The following MCPH1 variants were observed in gnomAD, a reference collection of about 807,000 sequenced individuals.
The protein encoded by MCPH1 is microcephalin.
In MCPH1, 104 loss-of-function variants were observed where a neutral mutation model predicts 84.5. The ratio of observed to expected loss-of-function variants is 1.23; its 90% CI spans 1.05 to 1.45. The LOEUF (loss-of-function observed/expected upper bound fraction) is 1.45. MCPH1 is among the 40% of genes most tolerant of loss of function. The probability of loss-of-function intolerance (pLI) is 0.00; values close to 1 mark genes in which losing one functional copy is unlikely to be tolerated. For missense variants in MCPH1, 1,498 were observed against 1,005.7 expected (o/e 1.49, Z -6.62); for synonymous variants, 514 against 366.8 (o/e 1.40, Z -4.58).
At chr8:6,613,724 G>T (rs1387327253) in intron 12 of MCPH1, among the ~76,000 whole-genome samples, 1 of 152,122 alleles carries the variant, frequency 6.6e-6, no homozygotes, top group Admixed American at 6.5e-5. Context: ...CATCAGGGCC[G>T]AGAGGAATGA....
chr8:6,441,635 C>T (rs1803524404), intron 6 of MCPH1, among the ~76,000 whole-genome samples: 1 of 152,188 alleles, frequency 6.6e-6, no homozygotes, highest in African/African-American at 2.4e-5. Flanking sequence ...TTGTTGGGGG[C>T]ACTGCCCTGT....
chr8:6,506,471 C>A (rs140954372), intron 12 of MCPH1, among the ~76,000 whole-genome samples: 9 of 152,274 alleles, frequency 5.9e-5, no homozygotes, highest in African/African-American at 2.2e-4. Flanking sequence ...TGCAATTCTC[C>A]TACTCTCCTG....
At chr8:6,598,683 C>T (rs919943781) in intron 12 of MCPH1, among the ~76,000 whole-genome samples, 3 of 152,250 alleles carry the variant, frequency 2.0e-5, no homozygotes, top group African/African-American at 7.2e-5. Context: ...CGGGCGGCTT[C>T]ACGACAGGCG....
intron 1 of MCPH1, among the ~76,000 whole-genome samples, chr8:6,408,703 C>T (rs1348415942): frequency 6.6e-6 from 1 of 151,802 alleles, no homozygotes; most frequent in Non-Finnish European, 1.5e-5. Context: ...GGACTACAGC[C>T]ACTCGCCACC....
At chr8:6,623,763 C>G (rs2912055) in intron 13 of MCPH1, among the ~76,000 whole-genome samples, 1 of 143,334 alleles carries the variant, frequency 7.0e-6, no homozygotes, top group Non-Finnish European at 1.5e-5. Flanking sequence ...GCTGTTTACT[C>G]TTTTCTAAAT....
chr8:6,532,013 C>T (rs1297830352), intron 12 of MCPH1, among the ~76,000 whole-genome samples: 1 of 152,148 alleles, frequency 6.6e-6, no homozygotes, highest in East Asian at 1.9e-4. Context: ...GAAAATGATT[C>T]CCGGAGTCCA....
At chr8:6,623,045 G>A (rs1481882728) in intron 13 of MCPH1, among the ~76,000 whole-genome samples, 1 of 146,506 alleles carries the variant, frequency 6.8e-6, no homozygotes, top group Non-Finnish European at 1.5e-5. Context: ...TAGAGATGGG[G>A]TCTCCCTATG....
intron 3 of MCPH1, among the ~76,000 whole-genome samples, chr8:6,423,708 C>G (rs916368638): frequency 6.6e-6 from 1 of 151,828 alleles, no homozygotes; most frequent in Non-Finnish European, 1.5e-5. Context: ...GTTTAAATCC[C>G]CAAAGTGGGC....
intron 12 of MCPH1, among the ~76,000 whole-genome samples, chr8:6,525,583 A>T (rs1314925386): frequency 6.6e-6 from 1 of 152,202 alleles, no homozygotes; most frequent in Non-Finnish European, 1.5e-5. Flanking sequence ...ATAAAAGATT[A>T]TTTAAAATGT....
At position 6,627,167 on chromosome 8, in the gene MCPH1, G is replaced by C. The variant is rs1045503405; in HGVS notation, c.2452+5476G>C. 5.1e-6 allele frequency: 5 copies of C among 985,312 alleles called. No homozygotes were observed. In the Admixed American group the frequency reaches 1.8e-4, roughly 36 times the overall value. 61.0% of individuals were successfully genotyped at this position (985,312 alleles called of 1,614,324 possible). A position where few individuals can be genotyped will look rare whatever the true frequency, so the allele number is the denominator to read the frequency against. ...CTGACTGACCAGAAAAATGCACGAC[G>C]CTCCCATGGGGCCACTCGGGAGGCC... is the stretch of plus-strand genomic sequence containing the variant. On this transcript the variant is annotated intron_variant, in intron 13 of 13. Transcript: ENST00000344683.
chr8:6,462,844 A>G (rs1806437229), intron 9 of MCPH1, among the ~76,000 whole-genome samples: 1 of 152,222 alleles, frequency 6.6e-6, no homozygotes, highest in Non-Finnish European at 1.5e-5. Flanking sequence ...AAAAAATGTT[A>G]GCTATTTTCT....
At chr8:6,568,576 T>C (rs1466352450) in intron 12 of MCPH1, among the ~76,000 whole-genome samples, 1 of 152,206 alleles carries the variant, frequency 6.6e-6, no homozygotes. Context: ...GTTTTGCTTT[T>C]CCAACCTGTA....
intron 12 of MCPH1, among the ~76,000 whole-genome samples, chr8:6,584,950 C>G (rs1448868050): frequency 6.6e-6 from 1 of 152,200 alleles, no homozygotes; most frequent in Non-Finnish European, 1.5e-5. Context: ...TAGGCATCCT[C>G]CTGTTGAGTC....
intron 12 of MCPH1, among the ~76,000 whole-genome samples, chr8:6,598,093 G>A (rs904384104): frequency 6.6e-6 from 1 of 152,196 alleles, no homozygotes; most frequent in Non-Finnish European, 1.5e-5. Context: ...CCGCTCAACA[G>A]GGTGAGGATG....
At position 6,615,984 on chromosome 8, in the gene MCPH1, G is replaced by A. The variant is rs938208386; in HGVS notation, c.2215-5470G>A. On this transcript the variant is annotated intron_variant, in intron 12 of 13. Transcript: ENST00000344683. Reference sequence around the variant, plus strand: ...GAGGAGGGTGTGAGTAGATTGTGCTGATGATCGCATAACTCTGACTATACT... The same window carrying A: ...GAGGAGGGTGTGAGTAGATTGTGCTAATGATCGCATAACTCTGACTATACT... 3.9e-5 allele frequency: 6 copies of A among 152,300 alleles called. No individual in the cohort carries two copies. In the South Asian group the frequency reaches 1.2e-3, roughly 32 times the overall value. The allele number at this position is 152,300 out of a possible 1,614,324, so 9.4% of individuals were successfully genotyped here. A position where few individuals can be genotyped will look rare whatever the true frequency, so the allele number is the denominator to read the frequency against.
intron 9 of MCPH1, among the ~76,000 whole-genome samples, chr8:6,462,793 T>A (rs1315961817): frequency 1.3e-5 from 2 of 152,234 alleles, no homozygotes; most frequent in Non-Finnish European, 2.9e-5. Flanking sequence ...AGTTGAAACA[T>A]GCAAAGAGTT....
intron 12 of MCPH1, among the ~76,000 whole-genome samples, chr8:6,541,410 G>T (rs144886646): frequency 1.3e-5 from 2 of 152,280 alleles, no homozygotes; most frequent in Non-Finnish European, 2.9e-5. Context: ...CGCTGGAGAG[G>T]AGAGGAGAGG....
chr8:6,481,588 C>G (rs914077253), intron 11 of MCPH1, among the ~76,000 whole-genome samples: 1 of 152,266 alleles, frequency 6.6e-6, no homozygotes, highest in Non-Finnish European at 1.5e-5. Context: ...AGAATGTATT[C>G]TATTCATACT....
chr8:6,637,964 A>C (rs1323054194), intron 13 of MCPH1, among the ~76,000 whole-genome samples: 1 of 152,134 alleles, frequency 6.6e-6, no homozygotes, highest in Non-Finnish European at 1.5e-5. Context: ...CGAAGGTGGC[A>C]CCTAGTCTTG....
Sources: gnomAD v4.1 joint callset for allele counts (sites outside exome capture counted in the v4.1 genomes callset) on GRCh38, gnomAD v4.1.1 for gene constraint, MANE v1.5 for transcripts, NCBI Gene and HGNC (gene_info 2026-07-23, HGNC 2026-07-21) for gene names.